The following H1-5 variants were observed in gnomAD, a reference collection of about 807,000 sequenced individuals.
H1-5 encodes the protein H1.5 linker histone, cluster member, also known as histone H1.5.
A neutral mutation model predicts 4.6 loss-of-function variants in H1-5; 3 were observed. The observed-to-expected ratio is 0.65, with a 90% CI of 0.30 to 1.68. The LOEUF (loss-of-function observed/expected upper bound fraction) is 1.68. H1-5 is among the 40% of genes most tolerant of loss of function. The probability of loss-of-function intolerance (pLI) is 0.10; values close to 1 mark genes in which losing one functional copy is unlikely to be tolerated. For missense variants in H1-5, 521 were observed against 287.9 expected (o/e 1.81, Z -5.86); for synonymous variants, 250 against 123.4 (o/e 2.03, Z -6.80).
chr6:27,866,870 C>T lies in H1-5; in HGVS notation c.660G>A (p.Lys220=), dbSNP rs370166948. The change falls in exon 1 of 1, where the codon AAG becomes AAA. Residue 220 remains lysine (K), a synonymous_variant. Coordinates refer to ENST00000331442, the MANE Select transcript of H1-5 (RefSeq NM_005322.3). The stretch of plus-strand genomic sequence containing the variant: ...CTTCCTACTTCTTTTTGGCAGCCGC[C>T]TTCTTGGCCTTTGCAGCTTTAGGTT... ...AAKPKAAKAK[K]AAAKKK 41 of 1,591,396 alleles carry T rather than the reference C, an allele frequency of 2.6e-5. No individual in the cohort carries two copies. In the African/African-American group the frequency reaches 5.6e-4, roughly 22 times the overall value.
chr6:27,866,925 T>G lies in H1-5; in HGVS notation c.605A>C (p.Lys202Thr), dbSNP rs1271570923. 3 of 1,613,982 alleles carry G rather than the reference T, an allele frequency of 1.9e-6. No homozygotes were observed. The highest frequency in any genetic ancestry group is 2.5e-6 in the Non-Finnish European group (3 of 1,179,936). The change falls in exon 1 of 1, where the codon AAG (lysine) becomes ACG (threonine). Residue 202 changes from lysine (K) to threonine (T), a missense_variant. Lys to Thr is a moderately conservative substitution (Grantham distance 78). Coordinates refer to ENST00000331442, the MANE Select transcript of H1-5 (RefSeq NM_005322.3). ...KPKAVKPKAA[K>T]PKAAKPKAAK... is the part of the protein sequence containing the mutation. ...TGCTTTGGGCTTAGCGGCTTTGGGC[T>G]TTGCCGCCTTCGGCTTAACTGCCTT...
At position 27,866,869 on chromosome 6, in the gene H1-5, CCTT is replaced by C; in HGVS notation, c.658_660del (p.Lys220del). On this transcript the variant is annotated inframe_deletion, in exon 1 of 1. Coordinates refer to ENST00000331442, the MANE Select transcript of H1-5 (RefSeq NM_005322.3). ...GCTTCCTACTTCTTTTTGGCAGCCG[CCTT>C]CTTGGCCTTTGCAGCTTTAGGTTTT... 4 of 1,590,844 alleles carry C rather than the reference CCTT, an allele frequency of 2.5e-6. No homozygotes were observed. Among genetic ancestry groups the C allele is most frequent in the Non-Finnish European group, 3.4e-6 (4 of 1,173,626 alleles).
rs759375499 is a variant in H1-5, at chr6:27,867,340, C to A, written c.190G>T (p.Ala64Ser). The change falls in exon 1 of 1, where the codon GCC becomes TCC. Residue 64 changes from alanine (A) to serine (S), a missense_variant. Physicochemically the swap from Ala to Ser is moderately conservative, Grantham distance 99 (BLOSUM62 1). Coordinates refer to ENST00000331442, the MANE Select transcript of H1-5 (RefSeq NM_005322.3). ...SKERNGLSLA[A>S]LKKALAAGGY... Reference sequence around the variant, plus strand: ...CCGGCCGCTAAGGCCTTCTTAAGGGCTGCCAAAGAAAGGCCATTGCGCTCC... The same window carrying A: ...CCGGCCGCTAAGGCCTTCTTAAGGGATGCCAAAGAAAGGCCATTGCGCTCC... 5.0e-6 allele frequency: 8 copies of A among 1,614,150 alleles called. No homozygotes were observed. The African/African-American group carries it at 6.7e-5, about 13-fold the overall frequency.
Position 27,867,322 on chromosome 6 carries a change from C to T in H1-5, c.208G>A (p.Ala70Thr). The T allele has an allele frequency of 1.7e-5, 27 of 1,614,262 alleles. No individual in the cohort carries two copies. Among genetic ancestry groups the T allele is most frequent in the Non-Finnish European group, 2.3e-5 (27 of 1,180,046 alleles). Reference sequence around the variant, plus strand: ...TTCTCCACGTCGTAGCCACCGGCCGCTAAGGCCTTCTTAAGGGCTGCCAAA... The same window carrying T: ...TTCTCCACGTCGTAGCCACCGGCCGTTAAGGCCTTCTTAAGGGCTGCCAAA... Reference protein sequence around the residue: ...LSLAALKKALAAGGYDVEKNN... With the variant: ...LSLAALKKALTAGGYDVEKNN... The change falls in exon 1 of 1, where the codon GCG becomes ACG. Residue 70 changes from alanine (A) to threonine (T), a missense_variant. Coordinates refer to ENST00000331442, the MANE Select transcript of H1-5 (RefSeq NM_005322.3).
Position 27,866,804 on chromosome 6 carries a change from A to C in H1-5, c.*45T>G. ...TTTTAGAGGTCTCTGGGTGGCTCTGAAAAGAGCCTTTGGGGCTTTGTTGCG... is the reference window on the plus strand; with the variant it reads ...TTTTAGAGGTCTCTGGGTGGCTCTGCAAAGAGCCTTTGGGGCTTTGTTGCG... On this transcript the variant is annotated 3_prime_UTR_variant, in exon 1 of 1. Transcript: ENST00000331442. 2 of 1,495,006 alleles carry C rather than the reference A, an allele frequency of 1.3e-6. No homozygotes were observed. The highest frequency in any genetic ancestry group is 1.3e-5 in the South Asian group (1 of 76,002). The allele number at this position is 1,495,006 out of a possible 1,614,324, so 92.6% of individuals were successfully genotyped here.
Position 27,866,835 on chromosome 6 carries a change from C to T in H1-5, c.*14G>A. 1 of 1,572,910 alleles carries T rather than the reference C, an allele frequency of 6.4e-7. No individual in the cohort carries two copies. The highest frequency in any genetic ancestry group is 8.6e-7 in the Non-Finnish European group (1 of 1,165,926). ...GCCTTTGGGGCTTTGTTGCGGTTTT[C>T]ACACGCCAGCTTCCTACTTCTTTTT... On this transcript the variant is annotated 3_prime_UTR_variant, in exon 1 of 1. Coordinates refer to ENST00000331442, the MANE Select transcript of H1-5 (RefSeq NM_005322.3).
chr6:27,867,262 A>T lies in H1-5; in HGVS notation c.268T>A (p.Leu90Met). 6.2e-7 allele frequency: 1 copy of T among 1,614,220 alleles called. No homozygotes were observed. The highest frequency in any genetic ancestry group is 8.5e-7 in the Non-Finnish European group (1 of 1,180,034). Reference protein sequence around the residue: ...NSRIKLGLKSLVSKGTLVQTK... With the variant: ...NSRIKLGLKSMVSKGTLVQTK... ...TGCACCAGGGTGCCCTTGCTCACCA[A>T]GCTCTTGAGGCCCAGCTTAATGCGG... Residue 90 changes from leucine (L) to methionine (M), a missense_variant, in exon 1 of 1, where the codon TTG (leucine) becomes ATG (methionine). Physicochemically the swap from Leu to Met is conservative, Grantham distance 15. Coordinates refer to ENST00000331442, the MANE Select transcript of H1-5 (RefSeq NM_005322.3).
In H1-5 at chr6:27,867,514, G is replaced by A. The variant is rs746711580; in HGVS notation, c.16C>T (p.Pro6Ser). 5.2e-6 allele frequency: 8 copies of A among 1,549,868 alleles called. No homozygotes were observed. The highest frequency in any genetic ancestry group is 6.1e-6 in the Non-Finnish European group (7 of 1,154,184). ...GGCGCTGGGGTGGCTGTCTCGGCAG[G>A]AGCGGTTTCCGACATGGTGGCAAGA... MSETA[P>S]AETATPAPVE... The change falls in exon 1 of 1, where the codon CCT becomes TCT. Residue 6 changes from proline (P) to serine (S), a missense_variant. Physicochemically the swap from Pro to Ser is moderately conservative, Grantham distance 74. Coordinates refer to ENST00000331442, the MANE Select transcript of H1-5 (RefSeq NM_005322.3).
rs928346209 is a variant in H1-5, at chr6:27,867,112, T to C, written c.418A>G (p.Lys140Glu). The change falls in exon 1 of 1, where the codon AAG becomes GAG. Residue 140 changes from lysine (K) to glutamate (E), a missense_variant. Coordinates refer to ENST00000331442, the MANE Select transcript of H1-5 (RefSeq NM_005322.3). Reference protein sequence around the residue: ...KAKKPAGATPKKAKKAAGAKK... With the variant: ...KAKKPAGATPEKAKKAAGAKK... The stretch of plus-strand genomic sequence containing the variant: ...GCCCCTGCAGCCTTCTTGGCCTTCT[T>C]AGGCGTGGCCCCCGCGGGCTTCTTA... 1 of 1,613,998 alleles carries C rather than the reference T, an allele frequency of 6.2e-7. No homozygotes were observed. Among genetic ancestry groups the C allele is most frequent in the East Asian group, 2.2e-5 (1 of 44,880 alleles).
Position 27,867,482 on chromosome 6 carries a change from C to A in H1-5, c.48G>T (p.Glu16Asp). 3.2e-6 allele frequency: 5 copies of A among 1,585,418 alleles called. No homozygotes were observed. Among genetic ancestry groups the A allele is most frequent in the Admixed American group, 1.9e-5 (1 of 53,734 alleles). Residue 16 changes from glutamate to aspartate, a missense_variant, in exon 1 of 1, where the codon GAG (glutamate) becomes GAT (aspartate). Physicochemically the swap from Glu to Asp is conservative, Grantham distance 45. Transcript: ENST00000331442. ...PAETATPAPVEKSPAKKKATK... is the reference protein window; with the variant it reads ...PAETATPAPVDKSPAKKKATK... ...TTGCCTTCTTCTTAGCCGGGGATTT[C>A]TCCACCGGCGCTGGGGTGGCTGTCT...
Position 27,867,347 on chromosome 6 carries a change from A to C in H1-5, c.183T>G (p.Ser61=), listed in dbSNP as rs537612548. ...CTAAGGCCTTCTTAAGGGCTGCCAA[A>C]GAAAGGCCATTGCGCTCCTTAGAAG... The part of the protein sequence containing the change: ...VAASKERNGL[S]LAALKKALAA... Residue 61 remains serine, a synonymous_variant, in exon 1 of 1, where the codon TCT becomes TCG. Transcript: ENST00000331442. 1.2e-6 allele frequency: 2 copies of C among 1,614,240 alleles called. No individual in the cohort carries two copies. Among genetic ancestry groups the C allele is most frequent in the Admixed American group, 3.3e-5 (2 of 60,028 alleles).
rs1224259126 is a variant in H1-5 at position 27,867,493 on chromosome 6, C to A, written c.37G>T (p.Ala13Ser). 2 of 1,570,884 alleles carry A rather than the reference C, an allele frequency of 1.3e-6. No homozygotes were observed. Among genetic ancestry groups the A allele is most frequent in the East Asian group, 2.2e-5 (1 of 44,502 alleles). ...ETAPAETATPAPVEKSPAKKK... is the reference protein window; with the variant it reads ...ETAPAETATPSPVEKSPAKKK... Reference sequence around the variant, plus strand: ...TTAGCCGGGGATTTCTCCACCGGCGCTGGGGTGGCTGTCTCGGCAGGAGCG... The same window carrying A: ...TTAGCCGGGGATTTCTCCACCGGCGATGGGGTGGCTGTCTCGGCAGGAGCG... Residue 13 changes from alanine to serine, a missense_variant, in exon 1 of 1, where the codon GCG becomes TCG. Transcript: ENST00000331442.
Position 27,867,015 on chromosome 6 carries a change from T to C in H1-5, c.515A>G (p.Lys172Arg), listed in dbSNP as rs563961120. The C allele has an allele frequency of 1.2e-6, 2 of 1,614,178 alleles. No homozygotes were observed. Among genetic ancestry groups the C allele is most frequent in the Non-Finnish European group, 8.5e-7 (1 of 1,180,028 alleles). ...PAAAGVKKVA[K>R]SPKKAKAAAK... ...AGCGGCCTTGGCCTTCTTAGGGCTCTTCGCCACCTTTTTGACGCCAGCCGC... is the reference window on the plus strand; with the variant it reads ...AGCGGCCTTGGCCTTCTTAGGGCTCCTCGCCACCTTTTTGACGCCAGCCGC... The change falls in exon 1 of 1, where the codon AAG becomes AGG. Residue 172 changes from lysine to arginine, a missense_variant. By Grantham distance (26) the Lys-to-Arg change is conservative (BLOSUM62 2). Coordinates refer to ENST00000331442, the MANE Select transcript of H1-5 (RefSeq NM_005322.3).
At position 27,867,586 on chromosome 6, in the gene H1-5, G is replaced by A; in HGVS notation, c.-57C>T. ...TCGAAATCTAAAGAGCAGGTTTTGC[G>A]TTGCTGCTATGCTCGGGCCCCGGGC... On this transcript the variant is annotated 5_prime_UTR_variant, in exon 1 of 1. It adds an upstream start codon to the 5' untranslated region. Transcript: ENST00000331442. The A allele has an allele frequency of 6.8e-7, 1 of 1,469,434 alleles. No individual in the cohort carries two copies. Among genetic ancestry groups the A allele is most frequent in the Non-Finnish European group, 9.1e-7 (1 of 1,097,220 alleles). The allele number at this position is 1,469,434 out of a possible 1,614,324, so 91.0% of individuals were successfully genotyped here.
Position 27,867,179 on chromosome 6 carries a change from C to G in H1-5, c.351G>C (p.Gly117=), listed in dbSNP as rs1363833327. The change falls in exon 1 of 1, where the codon GGG becomes GGC. Residue 117 remains glycine (G), a synonymous_variant. Coordinates refer to ENST00000331442, the MANE Select transcript of H1-5 (RefSeq NM_005322.3). ...CCTTCTTGGCTTTGGGCTTGGCTTC[C>G]CCGGAGGCCGCCTTCTTGTTGAGTT... ...SFKLNKKAAS[G]EAKPKAKKAG... 2.5e-6 allele frequency: 4 copies of G among 1,614,198 alleles called. No homozygotes were observed. Among genetic ancestry groups the G allele is most frequent in the Admixed American group, 1.7e-5 (1 of 60,026 alleles).
In H1-5 at chr6:27,867,536, A is replaced by T; in HGVS notation, c.-7T>A. 6.5e-7 allele frequency: 1 copy of T among 1,535,636 alleles called. No individual in the cohort carries two copies. The highest frequency in any genetic ancestry group is 8.7e-7 in the Non-Finnish European group (1 of 1,147,750). ...CAGGAGCGGTTTCCGACATGGTGGC[A>T]AGAAACTGCTAGAAGAGAATAAGCT... is the stretch of plus-strand genomic sequence containing the variant. On this transcript the variant is annotated 5_prime_UTR_variant, in exon 1 of 1. Coordinates refer to ENST00000331442, the MANE Select transcript of H1-5 (RefSeq NM_005322.3).
In H1-5 at chr6:27,867,316, C is replaced by T. The variant is rs775734562; in HGVS notation, c.214G>A (p.Gly72Ser). ...TTATTCTTCTCCACGTCGTAGCCAC[C>T]GGCCGCTAAGGCCTTCTTAAGGGCT... Reference protein sequence around the residue: ...LAALKKALAAGGYDVEKNNSR... With the variant: ...LAALKKALAASGYDVEKNNSR... Residue 72 changes from glycine to serine, a missense_variant, in exon 1 of 1, where the codon GGT (glycine) becomes AGT (serine). By Grantham distance (56) the Gly-to-Ser change is moderately conservative (BLOSUM62 0). Coordinates refer to ENST00000331442, the MANE Select transcript of H1-5 (RefSeq NM_005322.3). 2 of 1,614,256 alleles carry T rather than the reference C, an allele frequency of 1.2e-6. No individual in the cohort carries two copies. Among genetic ancestry groups the T allele is most frequent in the African/African-American group, 1.3e-5 (1 of 75,086 alleles).
rs1467939612 is a variant in H1-5, at chr6:27,866,885, A to AGCTTTAGGTTTTGCT, written c.630_644dup (p.Pro213_Lys217dup). 1 of 1,600,610 alleles carries AGCTTTAGGTTTTGCT rather than the reference A, an allele frequency of 6.2e-7. No individual in the cohort carries two copies. Among genetic ancestry groups the AGCTTTAGGTTTTGCT allele is most frequent in the South Asian group, 1.1e-5 (1 of 88,458 alleles). Reference sequence around the variant, plus strand: ...TGGCAGCCGCCTTCTTGGCCTTTGCAGCTTTAGGTTTTGCTGCTTTGGGCT... The same window carrying AGCTTTAGGTTTTGCT: ...TGGCAGCCGCCTTCTTGGCCTTTGCAGCTTTAGGTTTTGCTGCTTTAGGTTTTGCTGCTTTGGGCT... On this transcript the variant is annotated inframe_insertion, in exon 1 of 1. Transcript: ENST00000331442.
In H1-5 at chr6:27,866,931, G is replaced by C; in HGVS notation, c.599C>G (p.Ala200Gly). 1.2e-6 allele frequency: 2 copies of C among 1,614,056 alleles called. No individual in the cohort carries two copies. Among genetic ancestry groups the C allele is most frequent in the Middle Eastern group, 1.7e-4 (1 of 6,056 alleles). The change falls in exon 1 of 1, where the codon GCG becomes GGG. Residue 200 changes from alanine (A) to glycine (G), a missense_variant. Ala to Gly is a moderately conservative substitution (Grantham distance 60, BLOSUM62 0). Transcript: ENST00000331442. Reference sequence around the variant, plus strand: ...GGGCTTAGCGGCTTTGGGCTTTGCCGCCTTCGGCTTAACTGCCTTGGGCTT... The same window carrying C: ...GGGCTTAGCGGCTTTGGGCTTTGCCCCCTTCGGCTTAACTGCCTTGGGCTT... ...PAKPKAVKPK[A>G]AKPKAAKPKA...
Sources: allele counts gnomAD v4.1 joint callset, GRCh38; gene constraint gnomAD v4.1.1; transcripts MANE v1.5; gene names NCBI Gene and HGNC (gene_info 2026-07-23, HGNC 2026-07-21).